HSF5: variants seen among roughly 807,000 people sequenced by gnomAD.
The protein encoded by HSF5 is heat shock transcription factor 5, also known as heat shock factor protein 5.
A neutral mutation model predicts 50.8 loss-of-function variants in HSF5; 5 were observed. The ratio of observed to expected loss-of-function variants is 0.10; its 90% confidence interval spans 0.05 to 0.21. The LOEUF (loss-of-function observed/expected upper bound fraction) is 0.21. Among genes scored for constraint, HSF5 ranks in the 10% least tolerant of loss-of-function variants. The pLI is 1.00. For synonymous variants in HSF5, 307 were observed against 307.4 expected (o/e 1.00, Z 0.02); for missense variants, 564 against 762.6 (o/e 0.74, Z 3.07).
chr17:58,433,625 G>A (rs957354481), intron 5 of HSF5, among the ~76,000 whole-genome samples: 2 of 152,166 alleles, frequency 1.3e-5, no homozygotes, highest in African/African-American at 2.4e-5. Context: ...ACTAGGAAAG[G>A]GAGATGTTCC....
chr17:58,484,723 C>T (rs911636484), intron 1 of HSF5, among the ~76,000 whole-genome samples: 1 of 152,188 alleles, frequency 6.6e-6, no homozygotes, highest in African/African-American at 2.4e-5. Flanking sequence ...TCCTTTAGGA[C>T]ATTCTTATGC....
At chr17:58,427,499 A>G (rs1974310933) in intron 5 of HSF5, among the ~76,000 whole-genome samples, 1 of 152,202 alleles carries the variant, frequency 6.6e-6, no homozygotes, top group African/African-American at 2.4e-5. Context: ...TGGGGGCCAA[A>G]GGAGTCTTTA....
chr17:58,487,689 C>A, intron 1 of HSF5, 36 bp downstream of exon 1: 1 of 1,367,022 alleles, frequency 7.3e-7, no homozygotes, highest in East Asian at 2.9e-5. Flanking sequence ...GCCCATGTGC[C>A]CACTGTGGGC....
rs527826179 is a variant in HSF5 at position 58,476,770 on chromosome 17, A to G, written c.925+3123T>C. ...AAAAAAATGGTTGGCGGAGTTTGTTATATTTCTGTTCTACTTTCAAAATCT... is the reference window on the plus strand; with the variant it reads ...AAAAAAATGGTTGGCGGAGTTTGTTGTATTTCTGTTCTACTTTCAAAATCT... On this transcript the variant is annotated intron_variant, in intron 2 of 5. Transcript: ENST00000323777. The G allele has an allele frequency of 1.2e-4, 193 of 1,598,162 alleles. No individual in the cohort carries two copies. The East Asian group carries it at 4.2e-3, about 35-fold the overall frequency.
chr17:58,457,076 T>C (rs374883460), intron 5 of HSF5, among the ~76,000 whole-genome samples: 2 of 151,796 alleles, frequency 1.3e-5, no homozygotes, highest in Admixed American at 6.6e-5. Flanking sequence ...CTGGCCAACA[T>C]GGCGGAAACC....
At chr17:58,427,820 C>G (rs572445256) in intron 5 of HSF5, among the ~76,000 whole-genome samples, 2 of 152,322 alleles carry the variant, frequency 1.3e-5, no homozygotes, top group African/African-American at 4.8e-5. Context: ...GCAAAAATAT[C>G]AGAAGCTAAG....
At chr17:58,453,449 C>T (rs1974666838) in intron 5 of HSF5, among the ~76,000 whole-genome samples, 1 of 151,860 alleles carries the variant, frequency 6.6e-6, no homozygotes, top group Non-Finnish European at 1.5e-5. Flanking sequence ...CAAAAATTAG[C>T]TGGGCATGGT....
chr17:58,487,440 A>G (rs1374974793), intron 1 of HSF5, among the ~76,000 whole-genome samples: 1 of 152,192 alleles, frequency 6.6e-6, no homozygotes, highest in Non-Finnish European at 1.5e-5. Context: ...GGACGAGTAG[A>G]AGGGAGCCTA....
chr17:58,464,231 C>A (rs1974832628), intron 3 of HSF5, among the ~76,000 whole-genome samples: 1 of 152,164 alleles, frequency 6.6e-6, no homozygotes, highest in African/African-American at 2.4e-5. Context: ...GTGACTATAG[C>A]CAATAGCACA....
intron 5 of HSF5, among the ~76,000 whole-genome samples, chr17:58,457,930 CTA>C (rs1468192475): frequency 6.6e-6 from 1 of 152,204 alleles, no homozygotes; most frequent in Admixed American, 6.5e-5. Context: ...AGAAAGAACC[CTA>C]TGAGTCTGAG....
At chr17:58,475,455 G>A (rs1975000299) in intron 2 of HSF5, among the ~76,000 whole-genome samples, 2 of 152,162 alleles carry the variant, frequency 1.3e-5, no homozygotes, top group East Asian at 3.9e-4. Flanking sequence ...GATCCTACAG[G>A]CTCTGCAGAT....
At chr17:58,454,964 T>C (rs1003477683) in intron 5 of HSF5, among the ~76,000 whole-genome samples, 22 of 151,998 alleles carry the variant, frequency 1.4e-4, no homozygotes, top group African/African-American at 4.8e-4. Context: ...TTCACAGAAA[T>C]AGAAAAAAAA....
At chr17:58,423,441 A>G (rs1974251182) in intron 5 of HSF5, among the ~76,000 whole-genome samples, 1 of 151,576 alleles carries the variant, frequency 6.6e-6, no homozygotes, top group Admixed American at 6.6e-5. Flanking sequence ...TCTAGCTTCA[A>G]GCTAATGTGC....
intron 4 of HSF5, among the ~76,000 whole-genome samples, chr17:58,461,170 C>T (rs1020287757): frequency 1.1e-4 from 16 of 151,540 alleles, no homozygotes; most frequent in South Asian, 4.2e-4. Context: ...GCCAAGATTG[C>T]GCTACTGCAC....
At chr17:58,470,702 C>T (rs1209902754) in intron 2 of HSF5, among the ~76,000 whole-genome samples, 5 of 152,046 alleles carry the variant, frequency 3.3e-5, no homozygotes, top group Admixed American at 6.6e-5. Flanking sequence ...CCAAGGCAGG[C>T]GGATCACGAG....
At chr17:58,444,807 G>T (rs1339974857) in intron 5 of HSF5, among the ~76,000 whole-genome samples, 1 of 151,988 alleles carries the variant, frequency 6.6e-6, no homozygotes, top group East Asian at 1.9e-4. Context: ...TCACAGAATG[G>T]GAGAAAATAT....
chr17:58,487,611 C>G, intron 1 of HSF5, 114 bp downstream of exon 1: 1 of 1,288,694 alleles, frequency 7.8e-7, no homozygotes, highest in South Asian at 2.8e-5. Flanking sequence ...GGGTCCCCGG[C>G]GCCTTTCCGA....
chr17:58,458,655 A>G lies in HSF5; in HGVS notation c.1720+113T>C, dbSNP rs1974746208. The G allele has an allele frequency of 1.4e-5, 11 of 762,704 alleles. No homozygotes were observed. The South Asian group carries it at 2.6e-4, about 18-fold the overall frequency. The allele number at this position is 762,704 out of a possible 1,614,324, so 47.2% of individuals were successfully genotyped here. A position where few individuals can be genotyped will look rare whatever the true frequency, so the allele number is the denominator to read the frequency against. ...ACAGCTATGTAAAAACAGCAATGTG[A>G]CAGGTCTAATACAATTATGAATAAT... On this transcript the variant is annotated intron_variant, in intron 5 of 5. Coordinates refer to ENST00000323777, the MANE Select transcript of HSF5 (RefSeq NM_001080439.3).
At chr17:58,442,634 C>T (rs1242011613) in intron 5 of HSF5, among the ~76,000 whole-genome samples, 9 of 152,296 alleles carry the variant, frequency 5.9e-5, no homozygotes, top group Admixed American at 5.2e-4. Flanking sequence ...TGGTGAATAA[C>T]ATTAACATTT....
Sources: allele counts gnomAD v4.1 joint callset (sites outside exome capture counted in the v4.1 genomes callset), GRCh38; gene constraint gnomAD v4.1.1; transcripts MANE v1.5; gene names NCBI Gene and HGNC (gene_info 2026-07-23, HGNC 2026-07-21).